The following RAB3C variants were observed in gnomAD, a reference collection of about 807,000 sequenced individuals.
RAB3C encodes RAB3C, member RAS oncogene family, also known as ras-related protein Rab-3C.
In RAB3C, 17 loss-of-function variants were observed where a neutral mutation model predicts 26.4. The observed-to-expected ratio is 0.64, with a 90% CI of 0.44 to 0.97. The LOEUF (loss-of-function observed/expected upper bound fraction) is 0.97. Among genes scored for constraint, RAB3C ranks in the 50% least tolerant of loss-of-function variants. The probability of loss-of-function intolerance (pLI) is 0.00; values close to 1 mark genes in which losing one functional copy is unlikely to be tolerated. For synonymous variants in RAB3C, 91 were observed against 95.9 expected, an observed-to-expected ratio of 0.95 and a Z score of 0.30; for missense variants, 242 against 281.9, an observed-to-expected ratio of 0.86 and a Z score of 1.01.
chr5:58,654,886 A>G (rs567581829), intron 2 of RAB3C, among the ~76,000 whole-genome samples: 1 of 152,320 alleles, frequency 6.6e-6, no homozygotes, highest in African/African-American at 2.4e-5. Context: ...GATATAATGT[A>G]CAAATGCCTC....
chr5:58,805,605 G>GAA (rs1742923559), intron 3 of RAB3C, among the ~76,000 whole-genome samples: 3 of 100,240 alleles, frequency 3.0e-5, no homozygotes, highest in Non-Finnish European at 6.8e-5. Context: ...AAAAAAAAAA[G>GAA]AGAGAGAGAG....
intron 3 of RAB3C, chr5:58,815,728 G>A (rs1743201879): frequency 6.6e-6 from 1 of 152,122 alleles, no homozygotes; most frequent in Admixed American, 6.5e-5. Context: ...ATTACTGTTT[G>A]AGTACCTTCT....
At chr5:58,837,425 G>A (rs538323739) in intron 4 of RAB3C, among the ~76,000 whole-genome samples, 10 of 150,870 alleles carry the variant, frequency 6.6e-5, no homozygotes, top group Admixed American at 1.3e-4. Context: ...CAAGTGACCC[G>A]CCCCTCTTGG....
At chr5:58,768,314 A>C (rs190974778) in intron 3 of RAB3C, among the ~76,000 whole-genome samples, 4 of 152,270 alleles carry the variant, frequency 2.6e-5, no homozygotes, top group South Asian at 4.1e-4. Flanking sequence ...AGAAAAGTTA[A>C]AATCCTGCTT....
At chr5:58,659,595 T>TTTA (rs1211691518) in intron 2 of RAB3C, among the ~76,000 whole-genome samples, 1 of 152,228 alleles carries the variant, frequency 6.6e-6, no homozygotes, top group African/African-American at 2.4e-5. Context: ...TGCTCTTGTG[T>TTTA]TTATACCAAG....
intron 1 of RAB3C, among the ~76,000 whole-genome samples, chr5:58,612,516 G>GTATATATATATATATATATA (rs1561266342): frequency 2.4e-5 from 1 of 41,082 alleles, no homozygotes; most frequent in African/African-American, 8.8e-5. Flanking sequence ...GTGTGTGTGT[G>GTATATATATATATATATATA]TGTGTATATA....
intron 3 of RAB3C, among the ~76,000 whole-genome samples, chr5:58,809,486 A>G (rs975094520): frequency 1.3e-5 from 2 of 152,154 alleles, no homozygotes; most frequent in African/African-American, 2.4e-5. Flanking sequence ...AAGAAAAGCA[A>G]TGGAAGAATT....
intron 3 of RAB3C, among the ~76,000 whole-genome samples, chr5:58,767,812 G>C (rs1741939347): frequency 6.6e-6 from 1 of 152,160 alleles, no homozygotes; most frequent in Non-Finnish European, 1.5e-5. Flanking sequence ...GAACACGAGA[G>C]ACATGGAGGC....
intron 2 of RAB3C, among the ~76,000 whole-genome samples, chr5:58,718,005 C>A (rs1036337126): frequency 1.2e-4 from 18 of 152,032 alleles, no homozygotes; most frequent in African/African-American, 4.1e-4. Flanking sequence ...GCCTGTTATC[C>A]TTTAAAACGC....
intron 1 of RAB3C, among the ~76,000 whole-genome samples, chr5:58,599,371 C>T (rs1439123770): frequency 6.6e-6 from 1 of 152,166 alleles, no homozygotes; most frequent in African/African-American, 2.4e-5. Flanking sequence ...GCCTGAGCTT[C>T]AGGACTACAT....
chr5:58,806,913 C>T lies in RAB3C; in HGVS notation c.372-18125C>T, dbSNP rs754778088. ...ACAATGGACCTCACTGAGCAGAAAC[C>T]ACCCATCCCATATGCCAGTGTCAAA... On this transcript the variant is annotated intron_variant, in intron 3 of 4. Coordinates refer to ENST00000282878, the MANE Select transcript of RAB3C (RefSeq NM_138453.4). Among the ~76,000 whole-genome samples, 5 of 152,266 alleles carry T rather than the reference C, an allele frequency of 3.3e-5. No homozygotes were observed. The South Asian group carries it at 6.2e-4, about 19-fold the overall frequency.
At chr5:58,612,514 GTGTGTGTATATATATATATA>G (rs1561266339) in intron 1 of RAB3C, among the ~76,000 whole-genome samples, 2 of 54,102 alleles carry the variant, frequency 3.7e-5, no homozygotes, top group South Asian at 1.1e-3. Context: ...GTGTGTGTGT[GTGTGTGTATATATATATATA>G]TATATATATA....
intron 3 of RAB3C, among the ~76,000 whole-genome samples, chr5:58,792,155 A>AT (rs1201384005): frequency 2.5e-4 from 38 of 152,344 alleles, no homozygotes; most frequent in African/African-American, 9.1e-4. Flanking sequence ...AGCCATCTCC[A>AT]TTTTATCTTC....
intron 3 of RAB3C, among the ~76,000 whole-genome samples, chr5:58,745,407 AAAAAAAAAAAAAG>A (rs1185917103): frequency 6.6e-6 from 1 of 150,682 alleles, no homozygotes; most frequent in African/African-American, 2.4e-5. Flanking sequence ...AAAAAAAAAA[AAAAAAAAAAAAAG>A]AAAGTAGATG....
intron 3 of RAB3C, among the ~76,000 whole-genome samples, chr5:58,804,487 A>G (rs1333061829): frequency 1.3e-5 from 2 of 152,210 alleles, no homozygotes; most frequent in Middle Eastern, 3.2e-3. Context: ...TGAGCATTAA[A>G]TCACAAGTTC....
intron 1 of RAB3C, among the ~76,000 whole-genome samples, chr5:58,595,069 G>A (rs137917486): frequency 5.3e-4 from 81 of 152,178 alleles, no homozygotes; most frequent in Non-Finnish European, 1.0e-3. Flanking sequence ...GGAGCGAGGG[G>A]GAAGTAAAGC....
chr5:58,772,477 A>T (rs575398685), intron 3 of RAB3C, among the ~76,000 whole-genome samples: 2 of 152,290 alleles, frequency 1.3e-5, no homozygotes, highest in South Asian at 4.1e-4. Flanking sequence ...AGACTAATGC[A>T]CCACAGTGAT....
chr5:58,693,342 A>G (rs536468112), intron 2 of RAB3C, among the ~76,000 whole-genome samples: 16,766 of 137,512 alleles, frequency 0.12, 1,431 homozygotes, highest in Non-Finnish European at 0.16. Context: ...ATGTGTATAT[A>G]TATATATATA....
intron 2 of RAB3C, among the ~76,000 whole-genome samples, chr5:58,700,866 C>A (rs1748827075): frequency 6.6e-6 from 1 of 151,996 alleles, no homozygotes; most frequent in Admixed American, 6.6e-5. Context: ...GTGAGCCTGG[C>A]AAGAAAAAAT....
Sources: allele counts gnomAD v4.1 joint callset (sites outside exome capture counted in the v4.1 genomes callset), GRCh38; gene constraint gnomAD v4.1.1; transcripts MANE v1.5; gene names NCBI Gene and HGNC (gene_info 2026-07-23, HGNC 2026-07-21).